Variants in LINGO1 observed in about 807,000 individuals in gnomAD.
LINGO1 encodes leucine-rich repeat and immunoglobulin-like domain-containing nogo receptor-interacting protein 1.
In LINGO1, 11 loss-of-function variants were observed where a neutral mutation model predicts 37.3. That is an observed-to-expected ratio of 0.29 (90% confidence interval 0.19 to 0.49). The LOEUF (loss-of-function observed/expected upper bound fraction) is 0.49. Among genes scored for constraint, LINGO1 ranks in the 20% least tolerant of loss-of-function variants. LINGO1 has a pLI of 0.99. For synonymous variants in LINGO1, 387 were observed against 403.0 expected, an observed-to-expected ratio of 0.96 and a Z score of 0.48; for missense variants, 585 against 878.2, an observed-to-expected ratio of 0.67 and a Z score of 4.22.
intron 3 of LINGO1, among the ~76,000 whole-genome samples, chr15:77,661,025 G>A (rs1445168148): frequency 6.6e-6 from 1 of 151,954 alleles, no homozygotes; most frequent in African/African-American, 2.4e-5. Flanking sequence ...GCTGGCAAAT[G>A]AGTTTAACAG....
intron 2 of LINGO1, among the ~76,000 whole-genome samples, chr15:77,681,091 G>C (rs2075405691): frequency 6.6e-6 from 1 of 152,104 alleles, no homozygotes; most frequent in African/African-American, 2.4e-5. Context: ...AGGTGTGACT[G>C]ATCCAGTGCA....
chr15:77,642,861 C>T (rs2074540238), intron 3 of LINGO1, among the ~76,000 whole-genome samples: 1 of 152,244 alleles, frequency 6.6e-6, no homozygotes, highest in Non-Finnish European at 1.5e-5. Flanking sequence ...CTCTGCACCC[C>T]TTATCTCACT....
chr15:77,700,644 A>G (rs2075770840), upstream of LINGO1, among the ~76,000 whole-genome samples: 1 of 152,220 alleles, frequency 6.6e-6, no homozygotes, highest in South Asian at 2.1e-4. Flanking sequence ...CGGTGTTACC[A>G]GTGGTCAAAG....
exon 1 of LINGO1, chr15:77,696,488 C>T (rs1045441255): frequency 6.6e-6 from 1 of 152,412 alleles, no homozygotes; most frequent in African/African-American, 2.4e-5. Flanking sequence ...TTAGATGGAG[C>T]TAATAATACC....
At chr15:77,695,212 G>A (rs1567528338) in intron 1 of LINGO1, among the ~76,000 whole-genome samples, 1 of 152,166 alleles carries the variant, frequency 6.6e-6, no homozygotes, top group Non-Finnish European at 1.5e-5. Context: ...AAGGTCCGGT[G>A]CTGTCCCCTG....
chr15:77,671,211 A>G (rs981709049), intron 3 of LINGO1, among the ~76,000 whole-genome samples: 3 of 151,680 alleles, frequency 2.0e-5, no homozygotes, highest in Non-Finnish European at 4.4e-5. Flanking sequence ...GCTAGAAGCA[A>G]GTCTGATATC....
At chr15:77,780,247 C>T (rs1260393449) in intron 1 of LINGO1, among the ~76,000 whole-genome samples, 1 of 152,082 alleles carries the variant, frequency 6.6e-6, no homozygotes, top group African/African-American at 2.4e-5. Flanking sequence ...GGAGAGCAGG[C>T]CAGGGGAGTT....
At chr15:77,765,303 T>C (rs1404721325) in intron 1 of LINGO1, among the ~76,000 whole-genome samples, 1 of 151,830 alleles carries the variant, frequency 6.6e-6, no homozygotes, top group Non-Finnish European at 1.5e-5. Flanking sequence ...TAATCCCAGT[T>C]ACTCTGGAGG....
At chr15:77,765,476 T>C (rs762938769) in intron 1 of LINGO1, among the ~76,000 whole-genome samples, 12 of 150,126 alleles carry the variant, frequency 8.0e-5, no homozygotes, top group Middle Eastern at 3.5e-3. Context: ...TATTAACTGG[T>C]AGAATCCAAG....
At chr15:77,725,216 G>T (rs1251826566) in intron 2 of LINGO1, among the ~76,000 whole-genome samples, 2 of 152,188 alleles carry the variant, frequency 1.3e-5, no homozygotes, top group Non-Finnish European at 2.9e-5. Flanking sequence ...GGGGGTTGGG[G>T]GTTTCAGTTT....
intron 1 of LINGO1, among the ~76,000 whole-genome samples, chr15:77,616,739 G>A (rs116365937): frequency 0.013 from 2,017 of 152,310 alleles, 46 homozygotes; most frequent in African/African-American, 0.045. Flanking sequence ...AGGGCCCGGA[G>A]AATGTCTTTT....
chr15:77,766,308 A>AAAAAAAAAAAC (rs1567571648), intron 1 of LINGO1, among the ~76,000 whole-genome samples: 1 of 146,452 alleles, frequency 6.8e-6, no homozygotes, highest in African/African-American at 2.7e-5. Context: ...AAAAAAAAAA[A>AAAAAAAAAAAC]AAAAAAAAAC....
chr15:77,673,196 T>C (rs1013119477), intron 3 of LINGO1, among the ~76,000 whole-genome samples: 3 of 152,172 alleles, frequency 2.0e-5, no homozygotes. Flanking sequence ...TTTTTAAAAT[T>C]CTGCAGTGGG....
At chr15:77,775,038 T>C (rs1664330967) in intron 1 of LINGO1, among the ~76,000 whole-genome samples, 2 of 152,332 alleles carry the variant, frequency 1.3e-5, no homozygotes, top group South Asian at 2.1e-4. Context: ...TCAGAGGCGA[T>C]GCATGTTGAG....
At chr15:77,643,307 A>T (rs2074550917) in intron 3 of LINGO1, among the ~76,000 whole-genome samples, 1 of 152,116 alleles carries the variant, frequency 6.6e-6, no homozygotes, top group Non-Finnish European at 1.5e-5. Flanking sequence ...TGTCCACAGG[A>T]TCAGGGGAGA....
intron 1 of LINGO1, among the ~76,000 whole-genome samples, chr15:77,736,745 G>A (rs953923416): frequency 4.6e-5 from 7 of 152,274 alleles, no homozygotes; most frequent in African/African-American, 1.7e-4. Flanking sequence ...CTGCACTCCC[G>A]CCTAGGTGAC....
intron 2 of LINGO1, among the ~76,000 whole-genome samples, chr15:77,729,667 T>C (rs2076136164): frequency 2.0e-5 from 3 of 152,206 alleles, no homozygotes; most frequent in South Asian, 2.1e-4. Flanking sequence ...TGCAGAGATG[T>C]TGGAATAGAT....
At chr15:77,641,725 G>A (rs2074510639) in intron 3 of LINGO1, 1 of 396,898 alleles carries the variant, frequency 2.5e-6, no homozygotes, top group African/African-American at 2.1e-5. Flanking sequence ...GAGTCAGGTG[G>A]TGCTGGGAGA....
At chr15:77,796,953 T>C (rs2076878872) in intron 1 of LINGO1, among the ~76,000 whole-genome samples, 1 of 152,230 alleles carries the variant, frequency 6.6e-6, no homozygotes, top group African/African-American at 2.4e-5. Flanking sequence ...CCTCCTGCCT[T>C]GACCTCCCGC....
Sources: allele counts gnomAD v4.1 joint callset (sites outside exome capture counted in the v4.1 genomes callset), GRCh38; gene constraint gnomAD v4.1.1; transcripts MANE v1.5; gene names NCBI Gene and HGNC (gene_info 2026-07-23, HGNC 2026-07-21).